CEP43: variants seen among roughly 807,000 people sequenced by gnomAD.
The protein encoded by CEP43 is centrosomal protein 43, also known as FGFR1 oncogene partner.
A neutral mutation model predicts 52.6 loss-of-function variants in CEP43; 36 were observed. The observed-to-expected ratio is 0.68, with a 90% CI of 0.52 to 0.90. The LOEUF (loss-of-function observed/expected upper bound fraction) is 0.90. Among genes scored for constraint, CEP43 ranks in the 40% least tolerant of loss-of-function variants. The pLI is 0.00. For missense variants in CEP43, 506 were observed against 472.8 expected (o/e 1.07, Z -0.65); for synonymous variants, 192 against 172.4 (o/e 1.11, Z -0.89).
rs1169684580 is a variant in CEP43, at chr6:167,042,502, C to G, written c.*2524C>G. On this transcript the variant is annotated 3_prime_UTR_variant, in exon 13 of 13. Coordinates refer to ENST00000366847, the MANE Select transcript of CEP43 (RefSeq NM_007045.4). ...CCATTAGTCCCTGCCTCATGCTTGC[C>G]CACAGCTCTTCCTCCCCTCCTTACT... is the stretch of plus-strand genomic sequence containing the variant. The G allele has an allele frequency of 2.8e-6, 1 of 357,474 alleles. No homozygotes were observed. The highest frequency in any genetic ancestry group is 3.9e-6 in the Non-Finnish European group (1 of 256,668). The allele number at this position is 357,474 out of a possible 1,614,324, so 22.1% of individuals were successfully genotyped here. A position where few individuals can be genotyped will look rare whatever the true frequency, so the allele number is the denominator to read the frequency against.
Position 167,040,142 on chromosome 6 carries a change from C to T in CEP43, c.*164C>T. 1 of 1,544,276 alleles carries T rather than the reference C, an allele frequency of 6.5e-7. No individual in the cohort carries two copies. Among genetic ancestry groups the T allele is most frequent in the South Asian group, 1.2e-5 (1 of 84,858 alleles). ...TAAAAGTAATTTTCATTTTACTAAA[C>T]AAAATACTTCCTATTTGAGCCCATG... is the stretch of plus-strand genomic sequence containing the variant. On this transcript the variant is annotated 3_prime_UTR_variant, in exon 13 of 13. Coordinates refer to ENST00000366847, the MANE Select transcript of CEP43 (RefSeq NM_007045.4).
intron 12 of CEP43, among the ~76,000 whole-genome samples, chr6:167,034,773 C>G (rs954676229): frequency 6.6e-6 from 1 of 152,148 alleles, no homozygotes; most frequent in Non-Finnish European, 1.5e-5. Flanking sequence ...AAGCTTTAAC[C>G]TTTGACTCTC....
intron 7 of CEP43, among the ~76,000 whole-genome samples, chr6:167,021,066 A>C (rs1237267908): frequency 5.8e-5 from 2 of 34,470 alleles, no homozygotes; most frequent in African/African-American, 1.5e-4. Flanking sequence ...CCTGTTTCTT[A>C]AAAAAGAAAA....
At chr6:167,030,483 G>A (rs560325306) in intron 10 of CEP43, among the ~76,000 whole-genome samples, 1 of 152,294 alleles carries the variant, frequency 6.6e-6, no homozygotes, top group South Asian at 2.1e-4. Flanking sequence ...CAGTGGAGAC[G>A]AGCTCTTGAT....
chr6:167,038,492 G>C (rs183024872), intron 12 of CEP43, among the ~76,000 whole-genome samples: 1 of 152,198 alleles, frequency 6.6e-6, no homozygotes. Context: ...TTTAGAGTTA[G>C]CAATTCATAG....
At chr6:167,010,992 T>C (rs1317793474) in intron 6 of CEP43, 99 bp downstream of exon 6, 5 of 590,950 alleles carry the variant, frequency 8.5e-6, no homozygotes, top group Non-Finnish European at 1.4e-5. Context: ...TGTATTGTTT[T>C]ATATAAACAC....
intron 5 of CEP43, among the ~76,000 whole-genome samples, chr6:167,008,087 G>C (rs1349322674): frequency 6.7e-6 from 1 of 149,854 alleles, no homozygotes; most frequent in Non-Finnish European, 1.5e-5. Context: ...AATGTTCTGT[G>C]TGATGTGGCC....
At position 167,042,233 on chromosome 6, in the gene CEP43, G is replaced by T. The variant is rs1043904844; in HGVS notation, c.*2255G>T. 2 of 1,006,764 alleles carry T rather than the reference G, an allele frequency of 2.0e-6. No homozygotes were observed. The highest frequency in any genetic ancestry group is 4.7e-5 in the South Asian group (1 of 21,430). 62.4% of individuals were successfully genotyped at this position (1,006,764 alleles called of 1,614,324 possible). ...TTATCAACTTATGAAACTTGAAGAT[G>T]TGAAGTGACAGGTTTTGCATGTGAT... is the stretch of plus-strand genomic sequence containing the variant. On this transcript the variant is annotated 3_prime_UTR_variant, in exon 13 of 13. Coordinates refer to ENST00000366847, the MANE Select transcript of CEP43 (RefSeq NM_007045.4).
intron 10 of CEP43, among the ~76,000 whole-genome samples, chr6:167,027,621 ACTTGGG>A (rs1368115019): frequency 6.6e-6 from 1 of 152,166 alleles, no homozygotes; most frequent in African/African-American, 2.4e-5. Context: ...AGTGCAAAGA[ACTTGGG>A]CTTGGAGTTG....
chr6:167,051,800 G>T lies in CEP43; in HGVS notation c.*11822G>T, dbSNP rs1289593325. 6.6e-6 allele frequency: 1 copy of T among 152,070 alleles called. No individual in the cohort carries two copies. Among genetic ancestry groups the T allele is most frequent in the Non-Finnish European group, 1.5e-5 (1 of 68,006 alleles). 9.4% of individuals were successfully genotyped at this position (152,070 alleles called of 1,614,324 possible). On this transcript the variant is annotated 3_prime_UTR_variant, in exon 13 of 13. Transcript: ENST00000366847. ...ATTCTTGCTCTTACTGTGGCAATTT[G>T]TATGATACCTTTTTCTTTTAGCCTA...
At chr6:167,019,662 C>T (rs985871118) in intron 7 of CEP43, among the ~76,000 whole-genome samples, 5 of 152,112 alleles carry the variant, frequency 3.3e-5, no homozygotes, top group African/African-American at 1.2e-4. Context: ...GTTATGTTTA[C>T]AAGTATGTGT....
intron 12 of CEP43, among the ~76,000 whole-genome samples, chr6:167,039,365 G>A (rs1047605528): frequency 5.3e-5 from 8 of 152,204 alleles, no homozygotes; most frequent in African/African-American, 7.2e-5. Flanking sequence ...CTGACCTCAG[G>A]TGATCCGCCT....
rs779541032 is a variant in CEP43, at chr6:167,040,059, G to C, written c.*81G>C. ...TTTTTTTTTTCCAGACAATCACTCA[G>C]CTGGAATGTCTGCTCTCTATTGGTG... is the stretch of plus-strand genomic sequence containing the variant. On this transcript the variant is annotated 3_prime_UTR_variant, in exon 13 of 13. Coordinates refer to ENST00000366847, the MANE Select transcript of CEP43 (RefSeq NM_007045.4). 1 of 1,610,686 alleles carries C rather than the reference G, an allele frequency of 6.2e-7. No homozygotes were observed. The highest frequency in any genetic ancestry group is 1.1e-5 in the South Asian group (1 of 90,744).
At chr6:167,015,015 T>C (rs1410687426) in intron 7 of CEP43, among the ~76,000 whole-genome samples, 1 of 152,264 alleles carries the variant, frequency 6.6e-6, no homozygotes, top group Non-Finnish European at 1.5e-5. Context: ...AAGAAGTTTA[T>C]ACATAGAGCC....
intron 7 of CEP43, among the ~76,000 whole-genome samples, chr6:167,019,735 A>G (rs1043328411): frequency 3.3e-5 from 5 of 152,204 alleles, no homozygotes; most frequent in Admixed American, 6.5e-5. Flanking sequence ...CTTTCTGTCT[A>G]TAGCGGGAAT....
rs1780834297 is a variant in CEP43, at chr6:167,048,761, TATG to T, written c.*8788_*8790del. The T allele has an allele frequency of 6.6e-6, 1 of 152,208 alleles. No homozygotes were observed. Among genetic ancestry groups the T allele is most frequent in the Non-Finnish European group, 1.5e-5 (1 of 68,040 alleles). The allele number at this position is 152,208 out of a possible 1,614,324, so 9.4% of individuals were successfully genotyped here. Reference sequence around the variant, plus strand: ...ATAACATAAAACTGTAATATGCCATTATGATGACATTAATGAAAAATTGGTTAA... The same window carrying T: ...ATAACATAAAACTGTAATATGCCATTATGACATTAATGAAAAATTGGTTAA... On this transcript the variant is annotated 3_prime_UTR_variant, in exon 13 of 13. Coordinates refer to ENST00000366847, the MANE Select transcript of CEP43 (RefSeq NM_007045.4).
intron 1 of CEP43, chr6:166,999,844 G>T: frequency 1.7e-6 from 1 of 573,872 alleles, no homozygotes. Context: ...TCTTCCTCAG[G>T]CTCGGGCATG....
intron 2 of CEP43, among the ~76,000 whole-genome samples, chr6:167,001,651 C>G (rs1779739068): frequency 6.6e-6 from 1 of 152,196 alleles, no homozygotes; most frequent in Non-Finnish European, 1.5e-5. Context: ...CATCATTTAT[C>G]TGGCAAGAAA....
At chr6:167,039,363 A>C (rs1459344511) in intron 12 of CEP43, among the ~76,000 whole-genome samples, 1 of 152,212 alleles carries the variant, frequency 6.6e-6, no homozygotes, top group Non-Finnish European at 1.5e-5. Context: ...TCCTGACCTC[A>C]GGTGATCCGC....
Sources: gnomAD v4.1 joint callset for allele counts (sites outside exome capture counted in the v4.1 genomes callset) on GRCh38, gnomAD v4.1.1 for gene constraint, MANE v1.5 for transcripts, NCBI Gene and HGNC (gene_info 2026-07-23, HGNC 2026-07-21) for gene names.